Variants in NAV2 observed in about 807,000 individuals in gnomAD.
The protein encoded by NAV2 is neuron navigator 2.
Under a neutral mutation model 223.2 loss-of-function variants are expected in NAV2, and 54 were observed. The observed-to-expected ratio is 0.24, with a 90% CI of 0.19 to 0.30. The LOEUF is 0.30. Ranked by LOEUF, NAV2 falls within the 10% of genes least tolerant of loss-of-function variation. NAV2 has a pLI of 1.00. For missense variants in NAV2, 2,806 were observed against 3,147.5 expected, an observed-to-expected ratio of 0.89 and a Z score of 2.60; for synonymous variants, 1,279 against 1,239.3, an observed-to-expected ratio of 1.03 and a Z score of -0.67.
intron 6 of NAV2, among the ~76,000 whole-genome samples, chr11:19,923,952 A>G (rs777900154): frequency 2.0e-5 from 3 of 152,210 alleles, no homozygotes; most frequent in Admixed American, 6.5e-5. Flanking sequence ...AAGATAAAGA[A>G]TAGGCATGTC....
At chr11:20,069,355 A>C (rs1484186194) in intron 22 of NAV2, among the ~76,000 whole-genome samples, 4 of 152,262 alleles carry the variant, frequency 2.6e-5, no homozygotes, top group South Asian at 4.1e-4. Flanking sequence ...GTAGGGAGGA[A>C]GAAGGCAGCG....
intron 1 of NAV2, among the ~76,000 whole-genome samples, chr11:19,403,094 A>C (rs1239576883): frequency 6.6e-6 from 1 of 152,182 alleles, no homozygotes; most frequent in Non-Finnish European, 1.5e-5. Context: ...TACATCTGAA[A>C]TATGGGTTGT....
At chr11:19,459,273 CT>C (rs1852069937) in intron 1 of NAV2, among the ~76,000 whole-genome samples, 1 of 152,176 alleles carries the variant, frequency 6.6e-6, no homozygotes, top group Non-Finnish European at 1.5e-5. Context: ...AAGACCTTGT[CT>C]TTTTGCATCT....
At chr11:20,056,224 T>C (rs773708053) in intron 19 of NAV2, among the ~76,000 whole-genome samples, 2 of 152,172 alleles carry the variant, frequency 1.3e-5, no homozygotes, top group Non-Finnish European at 2.9e-5. Context: ...GAGGTCCGCT[T>C]TAGGCTTCTC....
At chr11:19,507,523 C>T (rs191486329) in intron 1 of NAV2, among the ~76,000 whole-genome samples, 1 of 152,166 alleles carries the variant, frequency 6.6e-6, no homozygotes, top group Non-Finnish European at 1.5e-5. Context: ...GGGTTTGAAT[C>T]TGCACTGTGT....
chr11:19,906,134 G>A (rs2042847449), intron 6 of NAV2, among the ~76,000 whole-genome samples: 2 of 152,140 alleles, frequency 1.3e-5, no homozygotes, highest in Non-Finnish European at 1.5e-5. Flanking sequence ...CATGCTGGCT[G>A]GTCTGTAATG....
At chr11:20,022,474 G>A (rs1470027660) in intron 11 of NAV2, 21 of 891,380 alleles carry the variant, frequency 2.4e-5, no homozygotes, top group African/African-American at 5.4e-5. Context: ...TGACATCACC[G>A]GAAATAATGT....
chr11:19,586,844 C>T (rs1218280335), intron 1 of NAV2, among the ~76,000 whole-genome samples: 2 of 152,246 alleles, frequency 1.3e-5, no homozygotes, highest in Non-Finnish European at 2.9e-5. Flanking sequence ...CTTGAGGAGG[C>T]AGTCTGTCTG....
intron 36 of NAV2, 89 bp from the exon 37 acceptor site, chr11:20,114,503 T>G: frequency 6.9e-6 from 8 of 1,159,072 alleles, no homozygotes; most frequent in Non-Finnish European, 1.0e-5. Flanking sequence ...TGATGCTGGA[T>G]TTGGGGAGTT....
intron 1 of NAV2, among the ~76,000 whole-genome samples, chr11:19,525,261 C>T (rs2043807434): frequency 6.6e-6 from 1 of 152,182 alleles, no homozygotes; most frequent in South Asian, 2.1e-4. Context: ...AAGTAGGTGG[C>T]AGAGCTGAAG....
intron 1 of NAV2, among the ~76,000 whole-genome samples, chr11:19,650,371 G>A (rs556077489): frequency 1.1e-3 from 174 of 152,334 alleles, no homozygotes; most frequent in African/African-American, 4.1e-3. Context: ...GAAGCTGGAA[G>A]AGACAAGGAA....
chr11:19,693,878 G>A (rs1292059832), intron 1 of NAV2, among the ~76,000 whole-genome samples: 1 of 152,204 alleles, frequency 6.6e-6, no homozygotes, highest in Non-Finnish European at 1.5e-5. Context: ...GCTGGAGGGA[G>A]AATGTTAGGA....
At chr11:19,900,861 C>A (rs1207255381) in intron 6 of NAV2, among the ~76,000 whole-genome samples, 2 of 152,170 alleles carry the variant, frequency 1.3e-5, no homozygotes, top group Non-Finnish European at 2.9e-5. Context: ...AGGTCAAATT[C>A]TCGTCCAAAA....
At chr11:19,692,872 C>G (rs1241778172) in intron 1 of NAV2, among the ~76,000 whole-genome samples, 3 of 152,202 alleles carry the variant, frequency 2.0e-5, no homozygotes, top group Non-Finnish European at 4.4e-5. Flanking sequence ...AAGCTGATAG[C>G]ATATACATTA....
At chr11:19,973,115 G>T (rs985756126) in intron 10 of NAV2, among the ~76,000 whole-genome samples, 5 of 152,148 alleles carry the variant, frequency 3.3e-5, no homozygotes, top group Non-Finnish European at 7.4e-5. Flanking sequence ...TCTTTCAGCT[G>T]CAGTCTAGAA....
chr11:19,694,367 A>G (rs2049266903), intron 1 of NAV2, among the ~76,000 whole-genome samples: 1 of 152,198 alleles, frequency 6.6e-6, no homozygotes, highest in African/African-American at 2.4e-5. Context: ...CTGCATGCAT[A>G]GGTGAAGGGG....
chr11:19,887,848 G>GC (rs544687546), intron 5 of NAV2, among the ~76,000 whole-genome samples: 38 of 151,980 alleles, frequency 2.5e-4, no homozygotes, highest in East Asian at 2.1e-3. Flanking sequence ...GATTATGACC[G>GC]CCCCCCGCCA....
chr11:20,078,520 G>A (rs948726591), intron 24 of NAV2, among the ~76,000 whole-genome samples: 4 of 152,126 alleles, frequency 2.6e-5, no homozygotes, highest in Admixed American at 2.6e-4. Flanking sequence ...GTGCAGTGGT[G>A]CAATCTTGGC....
intron 1 of NAV2, among the ~76,000 whole-genome samples, chr11:19,664,294 G>A (rs981194901): frequency 6.6e-6 from 1 of 152,168 alleles, no homozygotes; most frequent in Admixed American, 6.5e-5. Flanking sequence ...TCATCACCTG[G>A]ATACAGGTCC....
Sources: gnomAD v4.1 joint callset for allele counts (sites outside exome capture counted in the v4.1 genomes callset) on GRCh38, gnomAD v4.1.1 for gene constraint, MANE v1.5 for transcripts, NCBI Gene and HGNC (gene_info 2026-07-23, HGNC 2026-07-21) for gene names.